Variants in LIMCH1 observed in about 807,000 individuals in gnomAD.
LIMCH1 encodes LIM and calponin homology domains-containing protein 1.
Under a neutral mutation model 176.5 loss-of-function variants are expected in LIMCH1, and 113 were observed. That is an observed-to-expected ratio of 0.64 (90% confidence interval 0.55 to 0.75). The LOEUF is 0.75. Among genes scored for constraint, LIMCH1 ranks in the 30% least tolerant of loss-of-function variants. LIMCH1 has a pLI of 0.00. For missense variants in LIMCH1, 1,674 were observed against 1,814.9 expected, an observed-to-expected ratio of 0.92 and a Z score of 1.41; for synonymous variants, 619 against 645.9, an observed-to-expected ratio of 0.96 and a Z score of 0.63.
At chr4:41,652,249 T>C (rs577086712) in intron 18 of LIMCH1, among the ~76,000 whole-genome samples, 3 of 149,860 alleles carry the variant, frequency 2.0e-5, no homozygotes, top group Non-Finnish European at 3.0e-5. Flanking sequence ...ACTAAAATTA[T>C]TTTTTTTTTC....
At chr4:41,384,289 C>T (rs1434596344) in intron 1 of LIMCH1, among the ~76,000 whole-genome samples, 1 of 151,874 alleles carries the variant, frequency 6.6e-6, no homozygotes, top group Non-Finnish European at 1.5e-5. Context: ...ACTACAAGCT[C>T]CGTCTCCTGG....
At chr4:41,669,205 G>GTCC (rs2094931488) in intron 21 of LIMCH1, among the ~76,000 whole-genome samples, 1 of 152,088 alleles carries the variant, frequency 6.6e-6, no homozygotes, top group African/African-American at 2.4e-5. Flanking sequence ...CTGTAAACTA[G>GTCC]AAATAATACC....
At chr4:41,598,811 C>T (rs1470760989) in intron 1 of LIMCH1, 109 bp from the exon 2 acceptor site, 6 of 591,464 alleles carry the variant, frequency 1.0e-5, no homozygotes, top group East Asian at 2.9e-5. Context: ...TGATTTAGAC[C>T]TGACCATAGC....
intron 26 of LIMCH1, among the ~76,000 whole-genome samples, chr4:41,683,562 G>A (rs1312067024): frequency 1.3e-5 from 2 of 152,210 alleles, no homozygotes; most frequent in African/African-American, 4.8e-5. Flanking sequence ...CATACCAGAG[G>A]GATCTGAGGC....
intron 22 of LIMCH1, among the ~76,000 whole-genome samples, chr4:41,674,451 T>G (rs1396210162): frequency 6.6e-6 from 1 of 152,212 alleles, no homozygotes; most frequent in Non-Finnish European, 1.5e-5. Context: ...TGGAGCCAAC[T>G]TCCAACACCA....
rs143457588 is a variant in LIMCH1, at chr4:41,380,289, G to T, written c.96+19353G>T. Among the ~76,000 whole-genome samples, 103 of 152,188 alleles carry T rather than the reference G, an allele frequency of 6.8e-4. 1 individual carries two copies. The highest frequency in any genetic ancestry group is 2.4e-3 in the African/African-American group (100 of 41,516). ...ACTTTTATTTAAACAAAATCTTACA[G>T]AGATTTGATATCTTCTTTTCTTTTC... On this transcript the variant is annotated intron_variant, in intron 1 of 26. Transcript: ENST00000313860.
chr4:41,617,968 A>T (rs1457725471), intron 5 of LIMCH1, among the ~76,000 whole-genome samples: 1 of 152,208 alleles, frequency 6.6e-6, no homozygotes, highest in Non-Finnish European at 1.5e-5. Context: ...TATTATCCTC[A>T]TTTTGTAAAT....
chr4:41,687,672 T>C (rs574493976), intron 28 of LIMCH1, among the ~76,000 whole-genome samples, 168 bp from the exon 29 acceptor site: 5 of 152,060 alleles, frequency 3.3e-5, no homozygotes, highest in Non-Finnish European at 5.9e-5. Context: ...ATTATTACTA[T>C]TTTTGTTCAT....
rs1314157615 is a variant in LIMCH1 at position 41,650,588 on chromosome 4, T to A, written c.3016T>A (p.Ser1006Thr). Residue 1006 changes from serine (S) to threonine (T), a missense_variant, in exon 18 of 32, where the codon TCT (serine) becomes ACT (threonine). This residue lies in a region of LIMCH1 where 1,015 missense variants were observed against 1,102.5 expected (regional missense o/e 0.92). Transcript: ENST00000503057. ...CGAGATCAACATAAAGAAGCCAAAC[T>A]CTGTTCCCCAAGAGCTCGCAGTAAG... ...SIEINIKKPN[S>T]VPQELAATTE... 5.0e-6 allele frequency: 8 copies of A among 1,613,686 alleles called. No individual in the cohort carries two copies. The South Asian group carries it at 5.5e-5, about 11-fold the overall frequency.
intron 1 of LIMCH1, among the ~76,000 whole-genome samples, chr4:41,590,438 C>T (rs4128420): frequency 0.086 from 13,131 of 152,054 alleles, 1,858 homozygotes; most frequent in African/African-American, 0.3. Flanking sequence ...CATTGGCTCT[C>T]TCCCTCTGCA....
At chr4:41,623,226 A>G (rs2092706547) in intron 7 of LIMCH1, among the ~76,000 whole-genome samples, 1 of 152,210 alleles carries the variant, frequency 6.6e-6, no homozygotes, top group African/African-American at 2.4e-5. Context: ...AAATACGCTG[A>G]TATCTCTCGA....
chr4:41,554,212 A>G (rs182181691), intron 1 of LIMCH1, among the ~76,000 whole-genome samples: 2 of 152,056 alleles, frequency 1.3e-5, no homozygotes, highest in South Asian at 2.1e-4. Context: ...TTTGTCATTT[A>G]TCTATTATTG....
At chr4:41,635,177 G>A (rs911620666) in intron 13 of LIMCH1, among the ~76,000 whole-genome samples, 1 of 151,850 alleles carries the variant, frequency 6.6e-6, no homozygotes, top group African/African-American at 2.4e-5. Context: ...TCCCTCTCCA[G>A]CATGATGCCT....
At chr4:41,627,935 T>C (rs1237255174) in intron 8 of LIMCH1, among the ~76,000 whole-genome samples, 1 of 152,232 alleles carries the variant, frequency 6.6e-6, no homozygotes, top group African/African-American at 2.4e-5. Flanking sequence ...AATGGTTCTT[T>C]AGGCAGAGTT....
chr4:41,677,954 A>G (rs1346855112), intron 23 of LIMCH1, among the ~76,000 whole-genome samples: 1 of 152,128 alleles, frequency 6.6e-6, no homozygotes, highest in East Asian at 1.9e-4. Context: ...TTTAAATTAT[A>G]CTTCAAGTTC....
At chr4:41,388,381 C>T (rs12108669) in intron 1 of LIMCH1, among the ~76,000 whole-genome samples, 2 of 152,128 alleles carry the variant, frequency 1.3e-5, no homozygotes, top group Non-Finnish European at 2.9e-5. Flanking sequence ...AAACCAGATG[C>T]GAAAGACTGT....
Position 41,375,816 on chromosome 4 carries a change from A to G in LIMCH1, c.96+14880A>G, listed in dbSNP as rs112373796. ...GGGCGAGTACGGGAAAGAGGAGTAA[A>G]AATAAAAACTGGTTGGGCAGCTTAG... is the stretch of plus-strand genomic sequence containing the variant. On this transcript the variant is annotated intron_variant, in intron 1 of 26. Coordinates refer to the LIMCH1 transcript ENST00000313860. 2.2e-3 allele frequency among the ~76,000 whole-genome samples: 328 copies of G among 152,340 alleles called. 1 individual carries two copies. The highest frequency in any genetic ancestry group is 3.9e-3 in the Non-Finnish European group (262 of 68,032).
In LIMCH1 at chr4:41,362,318, C is replaced by A. The variant is rs192781242; in HGVS notation, c.96+1382C>A. ...GTCTCATAATTTGATAACTCACCAT[C>A]AGATGAGAAAAAGACCTTGGCTTTT... On this transcript the variant is annotated intron_variant, in intron 1 of 26. Transcript: ENST00000313860. Among the ~76,000 whole-genome samples the A allele has an allele frequency of 2.6e-3, 396 of 152,338 alleles. 1 individual carries two copies. The highest frequency in any genetic ancestry group is 3.5e-3 in the Non-Finnish European group (237 of 68,024).
chr4:41,466,479 T>G (rs1397716574), intron 1 of LIMCH1, among the ~76,000 whole-genome samples: 1 of 152,234 alleles, frequency 6.6e-6, no homozygotes, highest in African/African-American at 2.4e-5. Context: ...CTTCATTTCT[T>G]GATTAATTGA....
Sources: allele counts gnomAD v4.1 joint callset (sites outside exome capture counted in the v4.1 genomes callset), GRCh38; gene constraint gnomAD v4.1.1; regional missense constraint gnomAD v4.1.1; transcripts MANE v1.5; gene names NCBI Gene and HGNC (gene_info 2026-07-23, HGNC 2026-07-21).